Variants in TENM2 observed in about 807,000 individuals in gnomAD.
TENM2 encodes the protein teneurin transmembrane protein 2.
TENM2 carries 52 observed loss-of-function variants against 245.2 expected under a neutral mutation model. That is an observed-to-expected ratio of 0.21 (90% confidence interval 0.17 to 0.27). The LOEUF is 0.27. Ranked by LOEUF, TENM2 falls within the 10% of genes least tolerant of loss-of-function variation. The probability of loss-of-function intolerance (pLI) is 1.00; values close to 1 mark genes in which losing one functional copy is unlikely to be tolerated. For missense variants in TENM2, 3,046 were observed against 3,666.8 expected (o/e 0.83, Z 4.37); for synonymous variants, 1,363 against 1,438.9 (o/e 0.95, Z 1.19).
At chr5:166,999,821 G>A in the TENM2 span, among the ~76,000 whole-genome samples, 6 of 152,136 alleles carry the variant, frequency 3.9e-5, no homozygotes, top group Non-Finnish European at 5.9e-5. Context: ...AGGGAGTGAT[G>A]TGGAACAACA....
At chr5:167,758,952 A>G (rs1233964827) in intron 2 of TENM2, among the ~76,000 whole-genome samples, 2 of 151,866 alleles carry the variant, frequency 1.3e-5, no homozygotes, top group African/African-American at 2.4e-5. Flanking sequence ...CTTTTCCACC[A>G]TACTGCTTTT....
At chr5:167,548,518 G>T (rs1354240521) in intron 2 of TENM2, among the ~76,000 whole-genome samples, 1 of 150,982 alleles carries the variant, frequency 6.6e-6, no homozygotes, top group Admixed American at 6.6e-5. Context: ...TGGGGACAGT[G>T]TTCTTTAAGG....
intron 2 of TENM2, among the ~76,000 whole-genome samples, chr5:167,655,124 C>T (rs1360703532): frequency 6.6e-6 from 1 of 152,002 alleles, no homozygotes; most frequent in East Asian, 1.9e-4. Flanking sequence ...TGGTTGTAAG[C>T]AACAGAAACT....
chr5:167,818,145 A>T (rs1284904379), intron 2 of TENM2, among the ~76,000 whole-genome samples: 1 of 152,004 alleles, frequency 6.6e-6, no homozygotes, highest in African/African-American at 2.4e-5. Context: ...AAACTATGGA[A>T]TCTCCTTTTT....
At chr5:167,500,487 A>T (rs115508976) in intron 2 of TENM2, among the ~76,000 whole-genome samples, 2,091 of 152,184 alleles carry the variant, frequency 0.014, 59 homozygotes, top group African/African-American at 0.048. Flanking sequence ...CAAAATTTTT[A>T]AAAAAATAAA....
intron 24 of TENM2, among the ~76,000 whole-genome samples, chr5:168,227,039 G>A (rs546972139): frequency 7.9e-5 from 12 of 152,200 alleles, no homozygotes; most frequent in Admixed American, 1.3e-4. Context: ...GTCCTTCTGC[G>A]TGTGACGGCT....
intron 2 of TENM2, among the ~76,000 whole-genome samples, chr5:167,830,682 A>G (rs1355392243): frequency 6.6e-5 from 10 of 152,204 alleles, no homozygotes; most frequent in Non-Finnish European, 1.2e-4. Flanking sequence ...ACTGGCTGCA[A>G]AGACAGTCCT....
the TENM2 span, among the ~76,000 whole-genome samples, chr5:167,059,481 C>G: frequency 5.3e-5 from 8 of 152,036 alleles, no homozygotes; most frequent in Non-Finnish European, 1.2e-4. Context: ...AGTTGAGGTG[C>G]CAAATGAAAG....
At chr5:167,442,217 T>G (rs958691811) in intron 2 of TENM2, among the ~76,000 whole-genome samples, 3 of 152,226 alleles carry the variant, frequency 2.0e-5, no homozygotes, top group Non-Finnish European at 2.9e-5. Flanking sequence ...AGATCTGTTC[T>G]TATCATGTTG....
intron 2 of TENM2, among the ~76,000 whole-genome samples, chr5:167,778,744 A>G (rs1763981482): frequency 6.6e-6 from 1 of 152,184 alleles, no homozygotes; most frequent in Non-Finnish European, 1.5e-5. Context: ...TAAAATGATA[A>G]CTACAAAATG....
chr5:167,582,907 T>A (rs1775194564), intron 2 of TENM2, among the ~76,000 whole-genome samples: 1 of 152,216 alleles, frequency 6.6e-6, no homozygotes, highest in African/African-American at 2.4e-5. Flanking sequence ...TACGTTGTAA[T>A]TTTATTTGTT....
intron 2 of TENM2, among the ~76,000 whole-genome samples, chr5:167,435,077 A>T (rs1764466316): frequency 6.6e-6 from 1 of 152,166 alleles, no homozygotes; most frequent in Admixed American, 6.6e-5. Context: ...TCATTTATGG[A>T]TCACCTGTTT....
chr5:168,105,315 G>A (rs1000379510), intron 9 of TENM2, among the ~76,000 whole-genome samples: 2 of 152,182 alleles, frequency 1.3e-5, no homozygotes, highest in African/African-American at 4.8e-5. Context: ...TGGGAGCTGA[G>A]AGAAAGTGAG....
Position 168,237,450 on chromosome 5 carries a change from A to G in TENM2, c.5521-6970A>G, listed in dbSNP as rs374337870. Among the ~76,000 whole-genome samples, 14 of 152,258 alleles carry G rather than the reference A, an allele frequency of 9.2e-5. No homozygotes were observed. In the East Asian group the frequency reaches 2.3e-3, roughly 25 times the overall value. On this transcript the variant is annotated intron_variant, in intron 25 of 28. Coordinates refer to ENST00000518659, the Ensembl canonical transcript of TENM2. ...TTGAGCACCAAGCACTTTCCAAAACAAAATAGAGACACTAAGAAAAATAAG... is the reference window on the plus strand; with the variant it reads ...TTGAGCACCAAGCACTTTCCAAAACGAAATAGAGACACTAAGAAAAATAAG...
chr5:168,078,383 A>G (rs375900458), intron 7 of TENM2, among the ~76,000 whole-genome samples: 1 of 152,170 alleles, frequency 6.6e-6, no homozygotes, highest in Middle Eastern at 3.4e-3. Context: ...GTAGGTTGCC[A>G]GTTCACTCTG....
At chr5:167,777,861 C>T (rs1009009035) in intron 2 of TENM2, among the ~76,000 whole-genome samples, 1 of 152,186 alleles carries the variant, frequency 6.6e-6, no homozygotes, top group African/African-American at 2.4e-5. Flanking sequence ...TATTAAGTAA[C>T]AGCATGTGTG....
intron 2 of TENM2, among the ~76,000 whole-genome samples, chr5:167,458,494 C>CAAAAAAAAAAAA (rs70976430): frequency 1.3e-4 from 11 of 82,006 alleles, no homozygotes; most frequent in African/African-American, 1.8e-4. Flanking sequence ...CTCAAAAAAA[C>CAAAAAAAAAAAA]AAAAAAAAAA....
chr5:168,197,157 G>A (rs539220763), intron 15 of TENM2, among the ~76,000 whole-genome samples: 8 of 152,150 alleles, frequency 5.3e-5, no homozygotes, highest in Admixed American at 3.3e-4. Flanking sequence ...GTGCATGCCC[G>A]ATAAATAAGC....
In TENM2 at chr5:168,194,991, G is replaced by A. The variant is rs191011693; in HGVS notation, c.2781-185G>A. On this transcript the variant is annotated intron_variant, in intron 14 of 28. Coordinates refer to ENST00000518659, the Ensembl canonical transcript of TENM2. The stretch of plus-strand genomic sequence containing the variant: ...AGACCCCTGGGCCCAGCTCAGTGAC[G>A]GGAGATGCTGCCCATGGATTTCACC... Among the ~76,000 whole-genome samples, 409 of 152,236 alleles carry A rather than the reference G, an allele frequency of 2.7e-3. 3 individuals are homozygous for A. The highest frequency in any genetic ancestry group is 9.5e-3 in the African/African-American group (393 of 41,546).
Sources: allele counts gnomAD v4.1 joint callset (sites outside exome capture counted in the v4.1 genomes callset), GRCh38; gene constraint gnomAD v4.1.1; transcripts MANE v1.5; gene names NCBI Gene and HGNC (gene_info 2026-07-23, HGNC 2026-07-21).